The following TAFA5 variants were observed in gnomAD, a reference collection of about 807,000 sequenced individuals.
TAFA5 encodes the protein chemokine-like protein TAFA-5.
A neutral mutation model predicts 15.3 loss-of-function variants in TAFA5; 6 were observed. The ratio of observed to expected loss-of-function variants is 0.39; its 90% CI spans 0.21 to 0.77. The LOEUF (loss-of-function observed/expected upper bound fraction) is 0.77. Ranked by LOEUF, TAFA5 falls within the 30% of genes least tolerant of loss-of-function variation. The pLI, the probability that TAFA5 is intolerant of heterozygous loss-of-function variation, is 0.41. For missense variants in TAFA5, 161 were observed against 193.1 expected (o/e 0.83, Z 0.98); for synonymous variants, 103 against 80.7 (o/e 1.28, Z -1.48).
chr22:48,748,953 CG>C (rs916891630), intron 3 of TAFA5, among the ~76,000 whole-genome samples: 1 of 152,082 alleles, frequency 6.6e-6, no homozygotes, highest in Non-Finnish European at 1.5e-5. Context: ...TGGCCAAGGT[CG>C]GTTCAAGGGC....
At chr22:48,507,181 G>A (rs1436872561) in intron 1 of TAFA5, among the ~76,000 whole-genome samples, 1 of 100,828 alleles carries the variant, frequency 9.9e-6, no homozygotes, top group Non-Finnish European at 2.1e-5. Flanking sequence ...GTGTGTAGTT[G>A]GAGAAGGAGA....
At chr22:48,495,715 C>A (rs572218892) in intron 1 of TAFA5, among the ~76,000 whole-genome samples, 1 of 152,228 alleles carries the variant, frequency 6.6e-6, no homozygotes, top group African/African-American at 2.4e-5. Flanking sequence ...AATGTAGCAG[C>A]GTCATCCTCA....
rs1923405027 is a variant in TAFA5, at chr22:48,566,260, G to T, written c.112+76556G>T. 6.6e-6 allele frequency among the ~76,000 whole-genome samples: 1 copy of T among 150,614 alleles called. No individual in the cohort carries two copies. The highest frequency in any genetic ancestry group is 1.5e-5 in the Non-Finnish European group (1 of 67,670). The stretch of plus-strand genomic sequence containing the variant: ...ATGGGTGGATGGTAGGTAGATGGAT[G>T]ATGGGTGATGAATGTATGATGGGTG... On this transcript the variant is annotated intron_variant, in intron 1 of 3. Coordinates refer to ENST00000402357, the MANE Select transcript of TAFA5 (RefSeq NM_001082967.3). The surrounding 1 kb of genome is among the most constrained non-coding windows in gnomAD (Gnocchi z 4.5).
chr22:48,716,968 A>T (rs1929419756), intron 3 of TAFA5, among the ~76,000 whole-genome samples: 1 of 152,224 alleles, frequency 6.6e-6, no homozygotes, highest in Non-Finnish European at 1.5e-5. Flanking sequence ...TGAACGATAT[A>T]ACCTCCTGAA....
chr22:48,540,104 A>T (rs1922311394), intron 1 of TAFA5, among the ~76,000 whole-genome samples: 1 of 152,150 alleles, frequency 6.6e-6, no homozygotes, highest in African/African-American at 2.4e-5. Flanking sequence ...TGGCCCCCTC[A>T]CCCGCAGTGA....
intron 1 of TAFA5, among the ~76,000 whole-genome samples, chr22:48,618,949 C>A (rs900566902): frequency 2.0e-5 from 3 of 152,180 alleles, no homozygotes; most frequent in African/African-American, 7.2e-5. Context: ...TAGAAGACCT[C>A]AGAGACCCAG....
At chr22:48,673,162 A>G (rs887003943) in intron 2 of TAFA5, among the ~76,000 whole-genome samples, 2 of 152,222 alleles carry the variant, frequency 1.3e-5, no homozygotes, top group Non-Finnish European at 2.9e-5. Context: ...GGTCCCCTCC[A>G]TCACCGTCAT....
intron 1 of TAFA5, among the ~76,000 whole-genome samples, chr22:48,513,330 G>A (rs901992630): frequency 6.6e-6 from 1 of 152,210 alleles, no homozygotes; most frequent in African/African-American, 2.4e-5. Flanking sequence ...TTTGTTACAG[G>A]CCGTTTTGCT....
intron 2 of TAFA5, among the ~76,000 whole-genome samples, chr22:48,688,117 T>A (rs1231090395): frequency 6.6e-6 from 1 of 151,774 alleles, no homozygotes; most frequent in Non-Finnish European, 1.5e-5. Context: ...TTTTTCCCTC[T>A]CTCTCATCTA....
intron 1 of TAFA5, among the ~76,000 whole-genome samples, chr22:48,608,994 A>G (rs1214661280): frequency 2.0e-5 from 3 of 152,134 alleles, no homozygotes; most frequent in Non-Finnish European, 4.4e-5. Flanking sequence ...GCAGGTGCTT[A>G]TTCTTACACG....
At chr22:48,602,706 C>T (rs951248944) in intron 1 of TAFA5, among the ~76,000 whole-genome samples, 8 of 152,140 alleles carry the variant, frequency 5.3e-5, no homozygotes, top group Admixed American at 2.0e-4. Context: ...TGGCTGTGGC[C>T]GTTTCTCAGG....
At chr22:48,503,333 C>T (rs370259089) in intron 1 of TAFA5, among the ~76,000 whole-genome samples, 5 of 152,226 alleles carry the variant, frequency 3.3e-5, no homozygotes, top group African/African-American at 9.6e-5. Flanking sequence ...GCCACTGACT[C>T]GTGGGCCCCT....
intron 1 of TAFA5, among the ~76,000 whole-genome samples, chr22:48,576,052 C>CA (rs1033981080): frequency 1.1e-4 from 13 of 116,942 alleles, no homozygotes; most frequent in African/African-American, 4.4e-4. Flanking sequence ...CCCCCCCCCC[C>CA]CGCGCCGCCC....
chr22:48,534,125 G>T (rs1250396839), intron 1 of TAFA5, among the ~76,000 whole-genome samples: 1 of 151,648 alleles, frequency 6.6e-6, no homozygotes, highest in Non-Finnish European at 1.5e-5. Context: ...GCAGGTGAGG[G>T]GTGACAGGCA....
intron 2 of TAFA5, among the ~76,000 whole-genome samples, chr22:48,668,765 C>G (rs1023048714): frequency 5.3e-5 from 8 of 152,198 alleles, no homozygotes; most frequent in African/African-American, 1.7e-4. Flanking sequence ...GAGCTGTAGT[C>G]CCCCAGCACT....
intron 3 of TAFA5, among the ~76,000 whole-genome samples, chr22:48,730,300 C>T (rs1054546416): frequency 3.3e-5 from 5 of 151,948 alleles, no homozygotes; most frequent in African/African-American, 1.2e-4. Context: ...GCAGGGGAAT[C>T]GCTTGAACCC....
chr22:48,694,437 C>T (rs898995710), intron 2 of TAFA5, among the ~76,000 whole-genome samples: 4 of 152,176 alleles, frequency 2.6e-5, no homozygotes, highest in Non-Finnish European at 5.9e-5. Flanking sequence ...GAGTGGGGCC[C>T]TTCCGGAGTG....
chr22:48,535,053 C>T (rs1028655897), intron 1 of TAFA5, among the ~76,000 whole-genome samples: 1 of 152,130 alleles, frequency 6.6e-6, no homozygotes, highest in Non-Finnish European at 1.5e-5. Context: ...CATCACCTCT[C>T]CCCAGCCTTG....
At chr22:48,609,806 C>T (rs929278608) in intron 1 of TAFA5, among the ~76,000 whole-genome samples, 1 of 152,166 alleles carries the variant, frequency 6.6e-6, no homozygotes, top group South Asian at 2.1e-4. Flanking sequence ...AAGCTGCTCC[C>T]GGCTGCTCTC....
Sources: gnomAD v4.1 joint callset for allele counts (sites outside exome capture counted in the v4.1 genomes callset) on GRCh38, gnomAD v4.1.1 for gene constraint, Gnocchi (gnomAD v3.1) non-coding constraint, MANE v1.5 for transcripts, NCBI Gene and HGNC (gene_info 2026-07-23, HGNC 2026-07-21) for gene names.